COL9A2: variants seen among roughly 807,000 people sequenced by gnomAD.
COL9A2 encodes collagen alpha-2(IX) chain.
Under a neutral mutation model 111.6 loss-of-function variants are expected in COL9A2, and 66 were observed. That is an observed-to-expected ratio of 0.59 (90% CI 0.48 to 0.73). The LOEUF (loss-of-function observed/expected upper bound fraction) is 0.73, where lower values mean the gene tolerates loss of function less well. Ranked by LOEUF, COL9A2 falls within the 30% of genes least tolerant of loss-of-function variation. The probability of loss-of-function intolerance (pLI) is 0.00; values close to 1 mark genes in which losing one functional copy is unlikely to be tolerated. For missense variants in COL9A2, 881 were observed against 954.1 expected, an observed-to-expected ratio of 0.92 and a Z score of 1.01; for synonymous variants, 353 against 364.1, an observed-to-expected ratio of 0.97 and a Z score of 0.35.
rs896817003 is a variant in COL9A2 at position 40,314,189 on chromosome 1, A to C, written c.249+16T>G. ...GCAGAGCCCTACCCTGCCCCACCCG[A>C]CACTCAGCTACTCACATCAATCCCG... is the stretch of plus-strand genomic sequence containing the variant. On this transcript the variant is annotated intron_variant, in intron 4 of 31. Coordinates refer to ENST00000372748, the MANE Select transcript of COL9A2 (RefSeq NM_001852.4). This position sits in a 1 kb window ranked among gnomAD's most constrained non-coding sequence, Gnocchi z 4.1. 1.2e-6 allele frequency: 2 copies of C among 1,613,928 alleles called. No individual in the cohort carries two copies. Among genetic ancestry groups the C allele is most frequent in the African/African-American group, 2.7e-5 (2 of 74,918 alleles).
Position 40,302,777 on chromosome 1 carries a change from G to A in COL9A2, c.1636C>T (p.Arg546Trp), listed in dbSNP as rs772278003. Residue 546 changes from arginine to tryptophan, a missense_variant, in exon 30 of 32, where the codon CGG (arginine) becomes TGG (tryptophan). Physicochemically the swap from Arg to Trp is moderately radical, Grantham distance 101. Coordinates refer to ENST00000372748, the MANE Select transcript of COL9A2 (RefSeq NM_001852.4). The surrounding 1 kb of genome is among the most constrained non-coding windows in gnomAD (Gnocchi z 4.5). Reference protein sequence around the residue: ...QLAEVAVSAKREALGAVGMMG... With the variant: ...QLAEVAVSAKWEALGAVGMMG... ...ATGCCCACCGCACCCAGGGCTTCCC[G>A]CTTGGCACTCACGGCGACCTCTGCC... 7.1e-6 allele frequency: 11 copies of A among 1,546,362 alleles called. No individual in the cohort carries two copies. Among genetic ancestry groups the A allele is most frequent in the African/African-American group, 2.7e-5 (2 of 72,816 alleles).
rs1644132366 is a variant in COL9A2, at chr1:40,311,777, C to T, written c.418-62G>A. On this transcript the variant is annotated intron_variant, in intron 8 of 31. Coordinates refer to ENST00000372748, the MANE Select transcript of COL9A2 (RefSeq NM_001852.4). The surrounding 1 kb of genome is among the most constrained non-coding windows in gnomAD (Gnocchi z 5.1). ...AGCCCTTACCAGCTTACCCTAGTGC[C>T]CTCCTCCAGGTCCTGCCTCTGCCCT... 5 of 1,539,344 alleles carry T rather than the reference C, an allele frequency of 3.2e-6. No homozygotes were observed. In the South Asian group the frequency reaches 3.4e-5, roughly 10 times the overall value.
chr1:40,311,712 C>T lies in COL9A2; in HGVS notation c.421G>A (p.Asp141Asn), dbSNP rs1201314945. 1.9e-6 allele frequency: 3 copies of T among 1,613,918 alleles called. No individual in the cohort carries two copies. Among genetic ancestry groups the T allele is most frequent in the Non-Finnish European group, 2.5e-6 (3 of 1,179,964 alleles). ...GEIGIRGPKGDPGPDGPSGPP... is the reference protein window; with the variant it reads ...GEIGIRGPKGNPGPDGPSGPP... Reference sequence around the variant, plus strand: ...CCCGATGGTCCATCTGGTCCAGGGTCCCCCTGGAAGCAAAAGAAGCCCAAA... The same window carrying T: ...CCCGATGGTCCATCTGGTCCAGGGTTCCCCTGGAAGCAAAAGAAGCCCAAA... Residue 141 changes from aspartate (D) to asparagine (N), a missense_variant, in exon 9 of 32, where the codon GAC becomes AAC. Coordinates refer to ENST00000372748, the MANE Select transcript of COL9A2 (RefSeq NM_001852.4). This position sits in a 1 kb window ranked among gnomAD's most constrained non-coding sequence, Gnocchi z 5.1.
chr1:40,310,829 G>A lies in COL9A2; in HGVS notation c.631-62C>T. On this transcript the variant is annotated intron_variant, in intron 12 of 31. Transcript: ENST00000372748. This position sits in a 1 kb window ranked among gnomAD's most constrained non-coding sequence, Gnocchi z 4.9. The stretch of plus-strand genomic sequence containing the variant: ...GATGGAAAGACACATATACAGACAA[G>A]CAAAGATACCACCTCTTTTCCCCAG... 7.3e-7 allele frequency: 1 copy of A among 1,368,776 alleles called. No homozygotes were observed. Among genetic ancestry groups the A allele is most frequent in the African/African-American group, 1.4e-5 (1 of 69,520 alleles). The allele number at this position is 1,368,776 out of a possible 1,614,324, so 84.8% of individuals were successfully genotyped here. A position where few individuals can be genotyped will look rare whatever the true frequency, so the allele number is the denominator to read the frequency against.
Position 40,307,343 on chromosome 1 carries a change from A to AGGCAAGAGGTGGTGATTG in COL9A2, c.1008+85_1008+102dup. 8.9e-7 allele frequency: 1 copy of AGGCAAGAGGTGGTGATTG among 1,123,018 alleles called. No individual in the cohort carries two copies. Among genetic ancestry groups the AGGCAAGAGGTGGTGATTG allele is most frequent in the Non-Finnish European group, 1.3e-6 (1 of 755,570 alleles). The allele number at this position is 1,123,018 out of a possible 1,614,324, so 69.6% of individuals were successfully genotyped here. ...GCCAGGGGCCACAGAGTTGGTAACA[A>AGGCAAGAGGTGGTGATTG]GGCAAGAGGTGGTGATTGAGCAAGA... On this transcript the variant is annotated intron_variant, in intron 19 of 31. Coordinates refer to ENST00000372748, the MANE Select transcript of COL9A2 (RefSeq NM_001852.4). The surrounding 1 kb of genome is among the most constrained non-coding windows in gnomAD (Gnocchi z 4.8).
At chr1:40,306,264 C>T in intron 19 of COL9A2, 77 bp from the exon 20 acceptor site, 1 of 1,534,828 alleles carries the variant, frequency 6.5e-7, no homozygotes, top group Admixed American at 1.7e-5. Context: ...CTTCCCATCC[C>T]CAATCCAGAT....
rs764721121 is a variant in COL9A2 at position 40,317,223 on chromosome 1, G to C, written c.-26C>G. 4 of 1,552,952 alleles carry C rather than the reference G, an allele frequency of 2.6e-6. No individual in the cohort carries two copies. The highest frequency in any genetic ancestry group is 2.4e-5 in the East Asian group (1 of 41,286). On this transcript the variant is annotated 5_prime_UTR_variant, in exon 1 of 32. Transcript: ENST00000372748. This position sits in a 1 kb window ranked among gnomAD's most constrained non-coding sequence, Gnocchi z 4.3. ...GGCTGGCGGCGAGACCAAGGGGGAC[G>C]GGTGCGTGTCCGCGCACGCACCGAC...
Position 40,302,541 on chromosome 1 carries a change from T to C in COL9A2, c.1792+80A>G, listed in dbSNP as rs1643929617. On this transcript the variant is annotated intron_variant, in intron 30 of 31. Coordinates refer to ENST00000372748, the MANE Select transcript of COL9A2 (RefSeq NM_001852.4). The surrounding 1 kb of genome is among the most constrained non-coding windows in gnomAD (Gnocchi z 4.5). The stretch of plus-strand genomic sequence containing the variant: ...CCGGGGAAGGGTCTGTATGTCATCC[T>C]GAGAAGGGAATGGGGAAAGGGCCGG... The C allele has an allele frequency of 4.7e-6, 7 of 1,476,372 alleles. No homozygotes were observed. The Admixed American group carries it at 9.8e-5, about 21-fold the overall frequency. 91.5% of individuals were successfully genotyped at this position (1,476,372 alleles called of 1,614,324 possible).
chr1:40,310,849 C>A lies in COL9A2; in HGVS notation c.631-82G>T. On this transcript the variant is annotated intron_variant, in intron 12 of 31. Coordinates refer to ENST00000372748, the MANE Select transcript of COL9A2 (RefSeq NM_001852.4). This position sits in a 1 kb window ranked among gnomAD's most constrained non-coding sequence, Gnocchi z 4.9. ...GACAAGCAAAGATACCACCTCTTTT[C>A]CCCAGCACAAGCAGACGGGAGGGAC... 1 of 1,244,900 alleles carries A rather than the reference C, an allele frequency of 8.0e-7. No homozygotes were observed. The highest frequency in any genetic ancestry group is 1.3e-5 in the South Asian group (1 of 77,836). 77.1% of individuals were successfully genotyped at this position (1,244,900 alleles called of 1,614,324 possible). A position where few individuals can be genotyped will look rare whatever the true frequency, so the allele number is the denominator to read the frequency against.
intron 2 of COL9A2, among the ~76,000 whole-genome samples, chr1:40,315,083 G>A (rs1644194768): frequency 6.6e-6 from 1 of 152,170 alleles, no homozygotes. Flanking sequence ...AACATCAAGC[G>A]GCCCTCCTGC....
chr1:40,301,679 G>T, intron 31 of COL9A2, 133 bp downstream of exon 31: 1 of 866,768 alleles, frequency 1.2e-6, no homozygotes. Flanking sequence ...GTGCTCCAAA[G>T]GGGTGCAGAA....
chr1:40,312,361 G>T lies in COL9A2; in HGVS notation c.363+95C>A. The stretch of plus-strand genomic sequence containing the variant: ...TTCCTGACACTATCACAGCAAGCTG[G>T]CTCCTTCCCATGGTGGCCATTCCCT... On this transcript the variant is annotated intron_variant, in intron 7 of 31. Coordinates refer to ENST00000372748, the MANE Select transcript of COL9A2 (RefSeq NM_001852.4). The surrounding 1 kb of genome is among the most constrained non-coding windows in gnomAD (Gnocchi z 6.0). 6.6e-7 allele frequency: 1 copy of T among 1,510,120 alleles called. No individual in the cohort carries two copies. The highest frequency in any genetic ancestry group is 9.1e-7 in the Non-Finnish European group (1 of 1,103,954). 93.5% of individuals were successfully genotyped at this position (1,510,120 alleles called of 1,614,324 possible).
At position 40,303,823 on chromosome 1, in the gene COL9A2, G is replaced by A. The variant is rs868507976; in HGVS notation, c.1385C>T (p.Pro462Leu). ...AGGACTCACCTGTCCCTTGGGCCCCGGCTCGCCGGACTCGCCCTGCAGGCA... is the reference window on the plus strand; with the variant it reads ...AGGACTCACCTGTCCCTTGGGCCCCAGCTCGCCGGACTCGCCCTGCAGGCA... ...EKGEKGESGE[P>L]GPKGQQGVRG... Residue 462 changes from proline (P) to leucine (L), a missense_variant, in exon 27 of 32, where the codon CCG becomes CTG. By Grantham distance (98) the Pro-to-Leu change is moderately conservative. Transcript: ENST00000372748. The surrounding 1 kb of genome is among the most constrained non-coding windows in gnomAD (Gnocchi z 4.6). 5 of 1,561,804 alleles carry A rather than the reference G, an allele frequency of 3.2e-6. No homozygotes were observed. Among genetic ancestry groups the A allele is most frequent in the South Asian group, 1.2e-5 (1 of 84,930 alleles).
At position 40,303,501 on chromosome 1, in the gene COL9A2, A is replaced by G; in HGVS notation, c.1548+29T>C. On this transcript the variant is annotated intron_variant, in intron 28 of 31. Coordinates refer to ENST00000372748, the MANE Select transcript of COL9A2 (RefSeq NM_001852.4). This position sits in a 1 kb window ranked among gnomAD's most constrained non-coding sequence, Gnocchi z 4.6. ...CCCCAGAACAGATCTACCTAGAAGA[A>G]GCACCTCCTACCCCGGGGCCCGACT... 1 of 1,612,600 alleles carries G rather than the reference A, an allele frequency of 6.2e-7. No individual in the cohort carries two copies. The highest frequency in any genetic ancestry group is 1.7e-5 in the Admixed American group (1 of 59,988).
chr1:40,311,354 C>T lies in COL9A2; in HGVS notation c.520-68G>A, dbSNP rs756213155. ...AGTGCGCCCCCATCTCTCCAAGCCC[C>T]GTGCTCTCCTCCGCCTCACCTGGTG... On this transcript the variant is annotated intron_variant, in intron 10 of 31. Transcript: ENST00000372748. The surrounding 1 kb of genome is among the most constrained non-coding windows in gnomAD (Gnocchi z 5.1). 5.0e-6 allele frequency: 8 copies of T among 1,586,880 alleles called. No homozygotes were observed. Among genetic ancestry groups the T allele is most frequent in the East Asian group, 2.3e-5 (1 of 43,728 alleles).
Position 40,303,323 on chromosome 1 carries a change from T to C in COL9A2, c.1549-138A>G. 1 of 1,154,698 alleles carries C rather than the reference T, an allele frequency of 8.7e-7. No homozygotes were observed. Among genetic ancestry groups the C allele is most frequent in the Non-Finnish European group, 1.3e-6 (1 of 795,144 alleles). The allele number at this position is 1,154,698 out of a possible 1,614,324, so 71.5% of individuals were successfully genotyped here. ...AATTCCCAAGCTGAGGAACAGATTG[T>C]ACCTGGGCAGGGCCAAGGGCTTACT... On this transcript the variant is annotated intron_variant, in intron 28 of 31. Coordinates refer to ENST00000372748, the MANE Select transcript of COL9A2 (RefSeq NM_001852.4). This position sits in a 1 kb window ranked among gnomAD's most constrained non-coding sequence, Gnocchi z 4.6.
In COL9A2 at chr1:40,310,344, T is replaced by G. The variant is rs1644103952; in HGVS notation, c.685-27A>C. 6.2e-7 allele frequency: 1 copy of G among 1,612,758 alleles called. No individual in the cohort carries two copies. Among genetic ancestry groups the G allele is most frequent in the Non-Finnish European group, 8.5e-7 (1 of 1,179,236 alleles). On this transcript the variant is annotated intron_variant, in intron 13 of 31. Transcript: ENST00000372748. This position sits in a 1 kb window ranked among gnomAD's most constrained non-coding sequence, Gnocchi z 4.9. ...TGTTGAGAAAGAAAAATGACAGCAA[T>G]GGCAATTGCAAGGCCCACTTCATGA...
chr1:40,310,352 G>T lies in COL9A2; in HGVS notation c.685-35C>A. 1 of 1,606,972 alleles carries T rather than the reference G, an allele frequency of 6.2e-7. No individual in the cohort carries two copies. The highest frequency in any genetic ancestry group is 8.5e-7 in the Non-Finnish European group (1 of 1,174,046). ...AAGAAAAATGACAGCAATGGCAATT[G>T]CAAGGCCCACTTCATGATACCTTGT... On this transcript the variant is annotated intron_variant, in intron 13 of 31. Transcript: ENST00000372748. The surrounding 1 kb of genome is among the most constrained non-coding windows in gnomAD (Gnocchi z 4.9).
rs768613932 is a variant in COL9A2 at position 40,307,513 on chromosome 1, A to G, written c.955-14T>C. 1 of 1,614,074 alleles carries G rather than the reference A, an allele frequency of 6.2e-7. No individual in the cohort carries two copies. The highest frequency in any genetic ancestry group is 8.5e-7 in the Non-Finnish European group (1 of 1,179,942). On this transcript the variant is annotated splice_polypyrimidine_tract_variant and intron_variant, in intron 18 of 31. Transcript: ENST00000372748. This position sits in a 1 kb window ranked among gnomAD's most constrained non-coding sequence, Gnocchi z 4.8. Reference sequence around the variant, plus strand: ...TCCTGCACTGCCCTGGGATAGACAGATAACCAAAGATACAAATTAAAGCTC... The same window carrying G: ...TCCTGCACTGCCCTGGGATAGACAGGTAACCAAAGATACAAATTAAAGCTC...
Sources: gnomAD v4.1 joint callset for allele counts (sites outside exome capture counted in the v4.1 genomes callset) on GRCh38, gnomAD v4.1.1 for gene constraint, Gnocchi (gnomAD v3.1) non-coding constraint, MANE v1.5 for transcripts, NCBI Gene and HGNC (gene_info 2026-07-23, HGNC 2026-07-21) for gene names.